Variants in GPSM1 observed in about 807,000 individuals in gnomAD.
The protein encoded by GPSM1 is G protein signaling modulator 1.
GPSM1 carries 48 observed loss-of-function variants against 70.5 expected under a neutral mutation model. The observed-to-expected ratio is 0.68, with a 90% CI of 0.54 to 0.87. GPSM1 has a LOEUF of 0.87. Among genes scored for constraint, GPSM1 ranks in the 40% least tolerant of loss-of-function variants. The probability of loss-of-function intolerance (pLI) is 0.00; values close to 1 mark genes in which losing one functional copy is unlikely to be tolerated. For synonymous variants in GPSM1, 416 were observed against 430.1 expected (o/e 0.97, Z 0.41); for missense variants, 981 against 972.6 (o/e 1.01, Z -0.11).
chr9:136,352,372 A>C (rs112006569), intron 11 of GPSM1, among the ~76,000 whole-genome samples: 2 of 151,632 alleles, frequency 1.3e-5, no homozygotes, highest in African/African-American at 4.9e-5. Context: ...CCCTGTGCCC[A>C]GACAGTGCAG....
chr9:136,338,598 G>A lies in GPSM1; in HGVS notation c.862G>A (p.Glu288Lys), dbSNP rs1425387911. 6.2e-7 allele frequency: 1 copy of A among 1,611,094 alleles called. No individual in the cohort carries two copies. Among genetic ancestry groups the A allele is most frequent in the Non-Finnish European group, 8.5e-7 (1 of 1,179,438 alleles). The change falls in exon 7 of 14, where the codon GAG becomes AAG. Residue 288 changes from glutamate to lysine, a missense_variant. Transcript: ENST00000440944. The stretch of plus-strand genomic sequence containing the variant: ...TCGGCAGCTCAGGGACCAGGCAGTG[G>A]AGGCGCAGGCCTGCTACAGTCTGGG... ...LSRQLRDQAV[E>K]AQACYSLGNT...
intron 1 of GPSM1, among the ~76,000 whole-genome samples, chr9:136,329,684 A>C (rs1409016175): frequency 6.6e-5 from 10 of 152,106 alleles, no homozygotes; most frequent in African/African-American, 2.2e-4. Context: ...TCCTGGAGAG[A>C]GGAGTTTCAG....
chr9:136,350,717 G>T (rs1231578439), intron 11 of GPSM1, among the ~76,000 whole-genome samples: 1 of 152,238 alleles, frequency 6.6e-6, no homozygotes, highest in Admixed American at 6.5e-5. Context: ...GGAGCAGAGG[G>T]TCACAGCCCA....
chr9:136,344,775 ACTGT>A (rs753423515), intron 9 of GPSM1, among the ~76,000 whole-genome samples: 2 of 152,128 alleles, frequency 1.3e-5, no homozygotes, highest in African/African-American at 4.8e-5. Context: ...GGACAGGGAG[ACTGT>A]CTGGAGCTGA....
chr9:136,358,002 G>A lies in GPSM1; in HGVS notation c.1822-12G>A. 6.2e-7 allele frequency: 1 copy of A among 1,610,104 alleles called. No homozygotes were observed. The highest frequency in any genetic ancestry group is 1.3e-5 in the African/African-American group (1 of 74,960). On this transcript the variant is annotated splice_polypyrimidine_tract_variant and intron_variant, in intron 13 of 13. Transcript: ENST00000440944. ...GGGGGGTGAGGCCGCCAACTGCACT[G>A]TGTCCACCCAGTCCTCCAGGATCGA...
chr9:136,358,494 C>G lies in GPSM1; in HGVS notation c.*274C>G. ...TCGGCATGTCGGCCCCGACCTGGTGCTGTCAGACTCCCGCATCCTCTCCCC... is the reference window on the plus strand; with the variant it reads ...TCGGCATGTCGGCCCCGACCTGGTGGTGTCAGACTCCCGCATCCTCTCCCC... On this transcript the variant is annotated 3_prime_UTR_variant, in exon 14 of 14. Coordinates refer to ENST00000440944, the MANE Select transcript of GPSM1 (RefSeq NM_001145638.3). 1.8e-6 allele frequency: 1 copy of G among 545,244 alleles called. No individual in the cohort carries two copies. The highest frequency in any genetic ancestry group is 3.2e-6 in the Non-Finnish European group (1 of 312,246). 33.8% of individuals were successfully genotyped at this position (545,244 alleles called of 1,614,324 possible). A position where few individuals can be genotyped will look rare whatever the true frequency, so the allele number is the denominator to read the frequency against.
At chr9:136,345,701 A>G (rs1832506699) in intron 9 of GPSM1, among the ~76,000 whole-genome samples, 1 of 152,134 alleles carries the variant, frequency 6.6e-6, no homozygotes. Flanking sequence ...GGCAGTGCAC[A>G]CCGGGAGACG....
chr9:136,339,749 C>T lies in GPSM1; in HGVS notation c.1017C>T (p.Tyr339=), dbSNP rs141313816. 2,665 of 1,550,214 alleles carry T rather than the reference C, an allele frequency of 1.7e-3. 5 individuals carry two copies. Among genetic ancestry groups the T allele is most frequent in the Non-Finnish European group, 2.2e-3 (2,544 of 1,146,714 alleles). The change falls in exon 8 of 14, where the codon TAC becomes TAT. Residue 339 remains tyrosine (Y), a synonymous_variant. Coordinates refer to ENST00000440944, the MANE Select transcript of GPSM1 (RefSeq NM_001145638.3). ...CGTGCTGGAGCCTGGGAAATGCCTA[C>T]GTGTCCATGGGGCGCCCAGCGCAGG... is the stretch of plus-strand genomic sequence containing the variant. ...GRACWSLGNA[Y]VSMGRPAQAL... is the part of the protein sequence containing the mutation.
At chr9:136,335,524 A>G (rs1832211679) in intron 2 of GPSM1, among the ~76,000 whole-genome samples, 1 of 152,024 alleles carries the variant, frequency 6.6e-6, no homozygotes, top group Non-Finnish European at 1.5e-5. Context: ...GTGAGCTCAC[A>G]CCTGCTCCTC....
At position 136,349,778 on chromosome 9, in the gene GPSM1, C is replaced by CG; in HGVS notation, c.1455+17dup. The CG allele has an allele frequency of 3.2e-6, 5 of 1,557,786 alleles. No individual in the cohort carries two copies. The highest frequency in any genetic ancestry group is 3.5e-6 in the Non-Finnish European group (4 of 1,151,914). ...TGCCACGCACGGTAGGCGTCTTTGACGGCAGATCCAGGCCGAGAGGGAGGA... is the reference window on the plus strand; with the variant it reads ...TGCCACGCACGGTAGGCGTCTTTGACGGGCAGATCCAGGCCGAGAGGGAGGA... On this transcript the variant is annotated intron_variant, in intron 11 of 13. Transcript: ENST00000440944.
In GPSM1 at chr9:136,341,616, G is replaced by C; in HGVS notation, c.1207+623G>C. The C allele has an allele frequency of 9.9e-7, 1 of 1,014,966 alleles. No homozygotes were observed. Among genetic ancestry groups the C allele is most frequent in the Non-Finnish European group, 1.2e-6 (1 of 847,304 alleles). The allele number at this position is 1,014,966 out of a possible 1,614,324, so 62.9% of individuals were successfully genotyped here. A position where few individuals can be genotyped will look rare whatever the true frequency, so the allele number is the denominator to read the frequency against. ...CTGAGGTGGCTGGCAGGTGGGTGAGGGGCAGGCTTGGGGGGAGCAGCTGCC... is the reference window on the plus strand; with the variant it reads ...CTGAGGTGGCTGGCAGGTGGGTGAGCGGCAGGCTTGGGGGGAGCAGCTGCC... On this transcript the variant is annotated intron_variant, in intron 9 of 13. Transcript: ENST00000440944. This position sits in a 1 kb window ranked among gnomAD's most constrained non-coding sequence, Gnocchi z 6.7.
intron 13 of GPSM1, among the ~76,000 whole-genome samples, chr9:136,357,591 C>G (rs552822825): frequency 4.6e-5 from 7 of 152,360 alleles, no homozygotes; most frequent in Middle Eastern, 3.4e-3. Context: ...GAAGCTGAGA[C>G]CTCAGGCCTG....
At position 136,342,985 on chromosome 9, in the gene GPSM1, C is replaced by T. The variant is rs955173465; in HGVS notation, c.1207+1992C>T. 1.3e-5 allele frequency among the ~76,000 whole-genome samples: 2 copies of T among 152,018 alleles called. No individual in the cohort carries two copies. Among genetic ancestry groups the T allele is most frequent in the African/African-American group, 2.4e-5 (1 of 41,400 alleles). On this transcript the variant is annotated intron_variant, in intron 9 of 13. Transcript: ENST00000440944. This position sits in a 1 kb window ranked among gnomAD's most constrained non-coding sequence, Gnocchi z 5.5. ...GCAGAGGCTGGTGGGTTTGGTGTCCCGTTGATAAACACAAGGAGACTTACG... is the reference window on the plus strand; with the variant it reads ...GCAGAGGCTGGTGGGTTTGGTGTCCTGTTGATAAACACAAGGAGACTTACG...
chr9:136,338,895 T>C (rs1386797933), intron 7 of GPSM1, among the ~76,000 whole-genome samples, 185 bp downstream of exon 7: 2 of 152,198 alleles, frequency 1.3e-5, no homozygotes, highest in Non-Finnish European at 1.5e-5. Flanking sequence ...CACTGACCCC[T>C]GGCACAAGCG....
intron 1 of GPSM1, among the ~76,000 whole-genome samples, chr9:136,327,988 G>C (rs1554768136): frequency 1.3e-5 from 2 of 150,500 alleles, no homozygotes; most frequent in East Asian, 3.9e-4. Context: ...GTGGGGGGCC[G>C]GGGGGCTGGA....
chr9:136,333,342 G>A (rs1378766281), intron 1 of GPSM1, among the ~76,000 whole-genome samples: 2 of 152,050 alleles, frequency 1.3e-5, no homozygotes, highest in African/African-American at 2.4e-5. Context: ...CATGTGACCT[G>A]TAAGAGTAGG....
intron 1 of GPSM1, among the ~76,000 whole-genome samples, chr9:136,329,520 G>A (rs782311198): frequency 6.6e-6 from 1 of 152,150 alleles, no homozygotes; most frequent in Admixed American, 6.5e-5. Context: ...ACCTGCTGGC[G>A]TGGGCGGTGG....
chr9:136,356,559 C>G lies in GPSM1; in HGVS notation c.1821+9C>G. On this transcript the variant is annotated intron_variant, in intron 13 of 13. Coordinates refer to ENST00000440944, the MANE Select transcript of GPSM1 (RefSeq NM_001145638.3). ...TGCTCATCAAGTACCAGGTGGGCTG[C>G]GGCCCTGGGCGGGCGTGGCTCGCGG... 6.3e-7 allele frequency: 1 copy of G among 1,592,388 alleles called. No homozygotes were observed. The highest frequency in any genetic ancestry group is 8.6e-7 in the Non-Finnish European group (1 of 1,164,398).
intron 11 of GPSM1, among the ~76,000 whole-genome samples, chr9:136,354,635 G>T (rs1387684316): frequency 6.6e-6 from 1 of 152,238 alleles, no homozygotes; most frequent in African/African-American, 2.4e-5. Flanking sequence ...CAGCCCTGGG[G>T]CCCGGACCAG....
Sources: allele counts gnomAD v4.1 joint callset (sites outside exome capture counted in the v4.1 genomes callset), GRCh38; gene constraint gnomAD v4.1.1; non-coding constraint Gnocchi (gnomAD v3.1); transcripts MANE v1.5; gene names NCBI Gene and HGNC (gene_info 2026-07-23, HGNC 2026-07-21).